Variants in TBC1D5 observed in about 807,000 individuals in gnomAD.
TBC1D5 encodes TBC1 domain family member 5, also known as TBC1 domain family, member 5.
Under a neutral mutation model 100.3 loss-of-function variants are expected in TBC1D5, and 75 were observed. The ratio of observed to expected loss-of-function variants is 0.75; its 90% CI spans 0.62 to 0.91. The LOEUF is 0.91. TBC1D5 is among the 40% of genes least tolerant of loss of function. The pLI is 0.00. For missense variants in TBC1D5, 910 were observed against 942.4 expected, an observed-to-expected ratio of 0.97 and a Z score of 0.45; for synonymous variants, 323 against 325.6, an observed-to-expected ratio of 0.99 and a Z score of 0.09.
intron 2 of TBC1D5, among the ~76,000 whole-genome samples, chr3:17,606,011 G>A (rs1474365507): frequency 6.6e-6 from 1 of 152,140 alleles, no homozygotes; most frequent in Non-Finnish European, 1.5e-5. Context: ...TGTCTAAATT[G>A]TGATAGACTA....
intron 1 of TBC1D5, among the ~76,000 whole-genome samples, chr3:17,626,390 C>T (rs12106900): frequency 0.071 from 10,812 of 151,908 alleles, 782 homozygotes; most frequent in African/African-American, 0.19. Flanking sequence ...TTAAGATTTA[C>T]GGGAAAAAAA....
In TBC1D5 at chr3:17,389,911, C is replaced by T. The variant is rs11128828; in HGVS notation, c.510-5896G>A. Among the ~76,000 whole-genome samples the T allele has an allele frequency of 1.5e-3, 223 of 152,068 alleles. 1 individual carries two copies. The highest frequency in any genetic ancestry group is 1.9e-4 in the Non-Finnish European group (13 of 67,966). ...GTCATAAAATGGTAAAACTATAATT[C>T]TATAATATTTTTTCTTCCTTTATTA... On this transcript the variant is annotated intron_variant, in intron 8 of 21. Transcript: ENST00000253692.
At chr3:17,287,436 T>C (rs944579752) in intron 15 of TBC1D5, among the ~76,000 whole-genome samples, 1 of 152,134 alleles carries the variant, frequency 6.6e-6, no homozygotes, top group African/African-American at 2.4e-5. Context: ...AATTGTTTCA[T>C]GGGGAATGCA....
At chr3:17,673,311 C>CTTTTTTTTTTT (rs374496313) in intron 1 of TBC1D5, among the ~76,000 whole-genome samples, 3 of 125,978 alleles carry the variant, frequency 2.4e-5, no homozygotes, top group East Asian at 2.3e-4. Context: ...CTTTTCTTTT[C>CTTTTTTTTTTT]TTTTTTTTTT....
At chr3:17,541,717 C>A (rs190912293) in intron 2 of TBC1D5, among the ~76,000 whole-genome samples, 23 of 152,278 alleles carry the variant, frequency 1.5e-4, no homozygotes, top group Non-Finnish European at 4.4e-5. Flanking sequence ...ACATCCATTA[C>A]TATGTTGAAC....
At chr3:17,554,283 G>A (rs1265611656) in intron 2 of TBC1D5, among the ~76,000 whole-genome samples, 3 of 152,114 alleles carry the variant, frequency 2.0e-5, no homozygotes, top group South Asian at 2.1e-4. Context: ...GAACTCACCC[G>A]AAACATCGTT....
intron 1 of TBC1D5, among the ~76,000 whole-genome samples, chr3:17,723,499 ATC>A (rs2075864048): frequency 6.6e-6 from 1 of 152,218 alleles, no homozygotes; most frequent in African/African-American, 2.4e-5. Context: ...GCCAAACAGT[ATC>A]TGTGTTTACT....
At chr3:17,341,345 C>T (rs965515115) in intron 13 of TBC1D5, among the ~76,000 whole-genome samples, 22 of 152,010 alleles carry the variant, frequency 1.4e-4, no homozygotes, top group Admixed American at 2.6e-4. Context: ...TACAGGCGGC[C>T]GCCACCACGC....
chr3:17,402,881 C>T (rs1370916888), intron 8 of TBC1D5, among the ~76,000 whole-genome samples: 1 of 151,976 alleles, frequency 6.6e-6, no homozygotes, highest in African/African-American at 2.4e-5. Flanking sequence ...CAAGACTATA[C>T]AATATAACCT....
At chr3:17,173,788 C>G (rs1035670070) in intron 19 of TBC1D5, among the ~76,000 whole-genome samples, 3 of 152,140 alleles carry the variant, frequency 2.0e-5, no homozygotes, top group Admixed American at 2.0e-4. Flanking sequence ...TAAAGAGGAA[C>G]TATGCATGCT....
chr3:17,699,658 A>G (rs2072826922), intron 1 of TBC1D5, among the ~76,000 whole-genome samples: 1 of 102,162 alleles, frequency 9.8e-6, no homozygotes, highest in South Asian at 3.8e-4. Context: ...TTATTGTTAA[A>G]TAAGAAACTC....
At chr3:17,400,785 C>A (rs1028426361) in intron 8 of TBC1D5, among the ~76,000 whole-genome samples, 5 of 152,092 alleles carry the variant, frequency 3.3e-5, no homozygotes, top group Admixed American at 1.3e-4. Flanking sequence ...AATCTTCCAG[C>A]CTTCATCTTT....
At chr3:17,737,548 C>CT (rs2077052892) in intron 1 of TBC1D5, among the ~76,000 whole-genome samples, 1 of 152,100 alleles carries the variant, frequency 6.6e-6, no homozygotes, top group African/African-American at 2.4e-5. Flanking sequence ...GGAGGTGGCT[C>CT]TTTTTTCTAA....
At chr3:17,615,459 G>A (rs1298385513) in intron 2 of TBC1D5, among the ~76,000 whole-genome samples, 1 of 152,206 alleles carries the variant, frequency 6.6e-6, no homozygotes, top group Non-Finnish European at 1.5e-5. Context: ...AGAAGGAATG[G>A]TACCAGCTCC....
At chr3:17,579,022 A>G (rs568830716) in intron 2 of TBC1D5, among the ~76,000 whole-genome samples, 1 of 152,178 alleles carries the variant, frequency 6.6e-6, no homozygotes, top group South Asian at 2.1e-4. Flanking sequence ...GAATAAAGTA[A>G]GTAATTCTTA....
intron 1 of TBC1D5, among the ~76,000 whole-genome samples, chr3:17,728,330 G>C (rs1448768608): frequency 6.6e-6 from 1 of 152,040 alleles, no homozygotes; most frequent in Non-Finnish European, 1.5e-5. Context: ...AAGGAAGATG[G>C]AACATTCACC....
intron 18 of TBC1D5, among the ~76,000 whole-genome samples, chr3:17,188,390 T>A (rs1343683453): frequency 6.6e-6 from 1 of 152,256 alleles, no homozygotes; most frequent in Non-Finnish European, 1.5e-5. Flanking sequence ...TTTGTCTCAA[T>A]ATAAACACAT....
chr3:17,414,986 A>T (rs1395448332), intron 4 of TBC1D5, among the ~76,000 whole-genome samples: 1 of 152,180 alleles, frequency 6.6e-6, no homozygotes, highest in African/African-American at 2.4e-5. Flanking sequence ...GGTAAAGAAT[A>T]GTTCATTGCC....
intron 5 of TBC1D5, among the ~76,000 whole-genome samples, chr3:17,405,719 G>C (rs889338030): frequency 2.0e-5 from 3 of 152,044 alleles, no homozygotes; most frequent in South Asian, 4.2e-4. Flanking sequence ...ACCTAAAACT[G>C]TCTAATACAC....
Sources: gnomAD v4.1 joint callset for allele counts (sites outside exome capture counted in the v4.1 genomes callset) on GRCh38, gnomAD v4.1.1 for gene constraint, MANE v1.5 for transcripts, NCBI Gene and HGNC (gene_info 2026-07-23, HGNC 2026-07-21) for gene names.